The following IL1RAPL2 variants were observed in gnomAD, a reference collection of about 807,000 sequenced individuals.
The protein encoded by IL1RAPL2 is X-linked interleukin-1 receptor accessory protein-like 2.
In IL1RAPL2, 3 loss-of-function variants were observed where a neutral mutation model predicts 44.1. The ratio of observed to expected loss-of-function variants is 0.07; its 90% CI spans 0.03 to 0.18. The LOEUF (loss-of-function observed/expected upper bound fraction) is 0.18. Ranked by LOEUF, IL1RAPL2 falls within the 10% of genes least tolerant of loss-of-function variation. The pLI, the probability that IL1RAPL2 is intolerant of heterozygous loss-of-function variation, is 1.00. For synonymous variants in IL1RAPL2, 181 were observed against 178.8 expected (o/e 1.01, Z -0.10); for missense variants, 391 against 496.4 (o/e 0.79, Z 2.02).
chrX:104,644,691 GTC>G (rs1930000680), intron 1 of IL1RAPL2, among the ~76,000 whole-genome samples: 1 of 110,750 alleles, frequency 9.0e-6, no homozygotes, highest in Non-Finnish European at 1.9e-5. Flanking sequence ...AGAAAAAAAA[GTC>G]TGATGGTATT....
At chrX:105,112,908 A>T (rs1184532641) in intron 2 of IL1RAPL2, among the ~76,000 whole-genome samples, 1 of 112,608 alleles carries the variant, frequency 8.9e-6, no homozygotes, top group Non-Finnish European at 1.9e-5. Context: ...CTCTAAAGGG[A>T]TCATATTATC....
intron 5 of IL1RAPL2, among the ~76,000 whole-genome samples, chrX:105,479,191 A>G (rs762704818): frequency 6.3e-5 from 7 of 111,461 alleles, no homozygotes; most frequent in Non-Finnish European, 1.3e-4. Flanking sequence ...ACAGAACTCA[A>G]TTCAGGTCCC....
At chrX:105,074,567 A>G (rs1461414866) in intron 2 of IL1RAPL2, among the ~76,000 whole-genome samples, 1 of 107,959 alleles carries the variant, frequency 9.3e-6, no homozygotes, top group Non-Finnish European at 1.9e-5. Flanking sequence ...GTTTTTTCCA[A>G]TTCTGTGAAG....
chrX:105,290,389 T>C (rs1217159513), intron 5 of IL1RAPL2, among the ~76,000 whole-genome samples: 3 of 106,048 alleles, frequency 2.8e-5, no homozygotes, highest in Non-Finnish European at 5.9e-5. Flanking sequence ...AGGTAGGAGG[T>C]GGTGGGAGAA....
At chrX:105,520,407 T>C (rs1569450108) in intron 6 of IL1RAPL2, among the ~76,000 whole-genome samples, 1 of 112,173 alleles carries the variant, frequency 8.9e-6, no homozygotes, top group Non-Finnish European at 1.9e-5. Flanking sequence ...TAATTACGAC[T>C]TATCATAGAT....
At position 104,853,196 on chromosome X, in the gene IL1RAPL2, A is replaced by T. The variant is rs6621872; in HGVS notation, c.82+194201A>T. On this transcript the variant is annotated intron_variant, in intron 2 of 10. Coordinates refer to ENST00000372582, the MANE Select transcript of IL1RAPL2 (RefSeq NM_017416.2). Reference sequence around the variant, plus strand: ...ATTGATCATTATATTCACTCTTGAAAAGCTTAACGTTTGGTTGGTGTGAAG... The same window carrying T: ...ATTGATCATTATATTCACTCTTGAATAGCTTAACGTTTGGTTGGTGTGAAG... 5.4e-3 allele frequency among the ~76,000 whole-genome samples: 607 copies of T among 112,204 alleles called. 2 individuals carry two copies. Among genetic ancestry groups the T allele is most frequent in the African/African-American group, 0.017 (537 of 30,930 alleles).
intron 2 of IL1RAPL2, among the ~76,000 whole-genome samples, chrX:104,740,378 T>G (rs1334062784): frequency 9.0e-6 from 1 of 110,955 alleles, no homozygotes; most frequent in Non-Finnish European, 1.9e-5. Context: ...TTAATCTTTT[T>G]GGGATATCAA....
At chrX:105,011,527 C>A (rs1308940787) in intron 2 of IL1RAPL2, among the ~76,000 whole-genome samples, 1 of 111,111 alleles carries the variant, frequency 9.0e-6, no homozygotes, top group Non-Finnish European at 1.9e-5. Context: ...ACTTTCTGGC[C>A]CTATGGATTT....
intron 2 of IL1RAPL2, among the ~76,000 whole-genome samples, chrX:105,177,989 T>G (rs1268440010): frequency 8.9e-6 from 1 of 112,021 alleles, no homozygotes; most frequent in African/African-American, 3.2e-5. Context: ...GGACACATTT[T>G]AAGTCCACAC....
Position 105,689,717 on chromosome X carries a change from G to A in IL1RAPL2, c.773-27650G>A, listed in dbSNP as rs751396843. On this transcript the variant is annotated intron_variant, in intron 6 of 10. Coordinates refer to ENST00000372582, the MANE Select transcript of IL1RAPL2 (RefSeq NM_017416.2). ...ATTTGACCCAGCAATCCCATTACTG[G>A]GTATATACCCAAAGGATTACAAATT... is the stretch of plus-strand genomic sequence containing the variant. Among the ~76,000 whole-genome samples the A allele has an allele frequency of 2.3e-4, 26 of 111,699 alleles. 1 individual carries two copies. Among genetic ancestry groups the A allele is most frequent in the Admixed American group, 4.7e-4 (5 of 10,527 alleles).
At chrX:105,663,837 C>A (rs901980875) in intron 6 of IL1RAPL2, among the ~76,000 whole-genome samples, 7 of 111,173 alleles carry the variant, frequency 6.3e-5, no homozygotes, top group African/African-American at 2.3e-4. Flanking sequence ...GTAAAAGAAT[C>A]CAGCTTGAAG....
chrX:104,761,914 T>TCTCCTTCTCCTG lies in IL1RAPL2; in HGVS notation c.82+102930_82+102931insGCTCCTTCTCCT, dbSNP rs57833266. 7.2e-5 allele frequency among the ~76,000 whole-genome samples: 3 copies of TCTCCTTCTCCTG among 41,900 alleles called. No homozygotes were observed. The East Asian group carries it at 1.5e-3, about 22-fold the overall frequency. The allele number at this position is 41,900 out of a possible 115,157, so 36.4% of individuals were successfully genotyped here. Reference sequence around the variant, plus strand: ...TTCTCCTTCTCCTTCTCCTTCTCCTTCTCCTTCTCCTTCTTCTTCTTCTTC... The same window carrying TCTCCTTCTCCTG: ...TTCTCCTTCTCCTTCTCCTTCTCCTTCTCCTTCTCCTGCTCCTTCTCCTTCTTCTTCTTCTTC... On this transcript the variant is annotated intron_variant, in intron 2 of 10. Transcript: ENST00000372582.
chrX:105,105,723 A>T (rs913033184), intron 2 of IL1RAPL2, among the ~76,000 whole-genome samples: 5 of 112,298 alleles, frequency 4.5e-5, no homozygotes, highest in Non-Finnish European at 9.4e-5. Flanking sequence ...AATCCCTCCT[A>T]TAAAGGTTTC....
At chrX:105,690,458 C>T (rs984863803) in intron 6 of IL1RAPL2, among the ~76,000 whole-genome samples, 1 of 111,027 alleles carries the variant, frequency 9.0e-6, no homozygotes, top group Non-Finnish European at 1.9e-5. Context: ...ATCTGTACAA[C>T]TTTAGGAAGA....
chrX:104,588,487 G>A (rs1200165326), intron 1 of IL1RAPL2, among the ~76,000 whole-genome samples: 1 of 111,207 alleles, frequency 9.0e-6, no homozygotes, highest in Non-Finnish European at 1.9e-5. Flanking sequence ...GAAATCTCCA[G>A]TCTTAAACTT....
chrX:104,962,906 T>C (rs1439393291), intron 2 of IL1RAPL2, among the ~76,000 whole-genome samples: 1 of 112,001 alleles, frequency 8.9e-6, no homozygotes, highest in Non-Finnish European at 1.9e-5. Context: ...ATGGCTGTTA[T>C]CTCATTTTTT....
At chrX:105,433,792 T>A (rs767723523) in intron 5 of IL1RAPL2, among the ~76,000 whole-genome samples, 1 of 111,198 alleles carries the variant, frequency 9.0e-6, no homozygotes, top group Non-Finnish European at 1.9e-5. Context: ...ACCTCTTGTG[T>A]GCAAGTAGAT....
chrX:104,977,074 T>A (rs1220785291), intron 2 of IL1RAPL2, among the ~76,000 whole-genome samples: 2 of 111,272 alleles, frequency 1.8e-5, no homozygotes, highest in Admixed American at 9.5e-5. Context: ...GCCAAAGACT[T>A]TTATGCCCTA....
At chrX:104,860,601 A>G (rs2054627368) in intron 2 of IL1RAPL2, among the ~76,000 whole-genome samples, 1 of 109,030 alleles carries the variant, frequency 9.2e-6, no homozygotes, top group Non-Finnish European at 1.9e-5. Flanking sequence ...TTATTTTGGA[A>G]TATTTGTATA....
Sources: gnomAD v4.1 joint callset for allele counts (sites outside exome capture counted in the v4.1 genomes callset) on GRCh38, gnomAD v4.1.1 for gene constraint, MANE v1.5 for transcripts, NCBI Gene and HGNC (gene_info 2026-07-23, HGNC 2026-07-21) for gene names.